The following IL1RAPL1 variants were observed in gnomAD, a reference collection of about 807,000 sequenced individuals.
IL1RAPL1 encodes the protein interleukin 1 receptor accessory protein like 1.
IL1RAPL1 carries 3 observed loss-of-function variants against 48.4 expected under a neutral mutation model. That is an observed-to-expected ratio of 0.06 (90% CI 0.03 to 0.16). The LOEUF is 0.16. Among genes scored for constraint, IL1RAPL1 ranks in the 10% least tolerant of loss-of-function variants. The probability of loss-of-function intolerance (pLI) is 1.00; values close to 1 mark genes in which losing one functional copy is unlikely to be tolerated. For missense variants in IL1RAPL1, 349 were observed against 530.6 expected, an observed-to-expected ratio of 0.66 and a Z score of 3.36; for synonymous variants, 185 against 187.7, an observed-to-expected ratio of 0.99 and a Z score of 0.12.
intron 6 of IL1RAPL1, among the ~76,000 whole-genome samples, chrX:29,702,076 G>A (rs776306249): frequency 3.6e-5 from 4 of 110,837 alleles, no homozygotes; most frequent in African/African-American, 9.8e-5. Flanking sequence ...CCAGCATGGC[G>A]AAACCCCAGT....
Position 29,067,534 on chromosome X carries a change from A to T in IL1RAPL1, c.83-215404A>T, listed in dbSNP as rs139529790. ...CAGTTAAGGGCCTAGCTAGAATTTC[A>T]AATGAATGCAAATAAGAACGTTTGT... On this transcript the variant is annotated intron_variant, in intron 2 of 10. Coordinates refer to ENST00000378993, the MANE Select transcript of IL1RAPL1 (RefSeq NM_014271.4). 8.9e-5 allele frequency among the ~76,000 whole-genome samples: 10 copies of T among 112,493 alleles called. No homozygotes were observed. The East Asian group carries it at 2.8e-3, about 32-fold the overall frequency.
intron 6 of IL1RAPL1, among the ~76,000 whole-genome samples, chrX:29,894,734 GAT>G (rs1261518536): frequency 2.7e-5 from 3 of 111,403 alleles, no homozygotes; most frequent in Non-Finnish European, 5.6e-5. Flanking sequence ...AGGATTCTTG[GAT>G]CTACAAATTA....
chrX:28,934,182 T>C (rs1296836169), intron 2 of IL1RAPL1, among the ~76,000 whole-genome samples: 3 of 110,921 alleles, frequency 2.7e-5, no homozygotes, highest in African/African-American at 9.8e-5. Context: ...ATGGAGTCAC[T>C]CTGGTTCGAA....
chrX:29,665,204 T>C (rs138109813), intron 5 of IL1RAPL1, among the ~76,000 whole-genome samples: 4 of 112,574 alleles, frequency 3.6e-5, no homozygotes, highest in Non-Finnish European at 7.5e-5. Context: ...GTTTTCAAAG[T>C]GATTTCCATT....
intron 2 of IL1RAPL1, among the ~76,000 whole-genome samples, chrX:29,140,313 A>T (rs1480440005): frequency 8.9e-6 from 1 of 111,907 alleles, no homozygotes; most frequent in East Asian, 2.8e-4. Context: ...AAATACCCAA[A>T]CTATATGAAA....
At chrX:28,646,093 C>T (rs777355298) in intron 1 of IL1RAPL1, among the ~76,000 whole-genome samples, 4 of 111,974 alleles carry the variant, frequency 3.6e-5, no homozygotes, top group East Asian at 5.6e-4. Flanking sequence ...TTTAGGCACC[C>T]GGGACAGGTT....
At chrX:29,198,203 C>A (rs1223760735) in intron 2 of IL1RAPL1, among the ~76,000 whole-genome samples, 2 of 111,670 alleles carry the variant, frequency 1.8e-5, no homozygotes, top group Non-Finnish European at 3.8e-5. Context: ...CACACAGAAT[C>A]CTGTTCTTGG....
At chrX:29,285,624 A>G (rs1487519031) in intron 3 of IL1RAPL1, among the ~76,000 whole-genome samples, 1 of 108,298 alleles carries the variant, frequency 9.2e-6, no homozygotes, top group Non-Finnish European at 1.9e-5. Context: ...GACACTTGCC[A>G]TATGTTCATA....
At chrX:29,294,380 G>A (rs1464061825) in intron 3 of IL1RAPL1, among the ~76,000 whole-genome samples, 2 of 108,823 alleles carry the variant, frequency 1.8e-5, no homozygotes, top group Non-Finnish European at 3.8e-5. Context: ...TACAAAAAAT[G>A]AGCCGGGCGT....
intron 2 of IL1RAPL1, among the ~76,000 whole-genome samples, chrX:28,917,151 A>T (rs1316060811): frequency 8.9e-6 from 1 of 111,772 alleles, no homozygotes; most frequent in Non-Finnish European, 1.9e-5. Context: ...CTGGGACTTC[A>T]TTGCCTGAGG....
intron 3 of IL1RAPL1, among the ~76,000 whole-genome samples, chrX:29,393,262 C>G (rs992405492): frequency 2.7e-4 from 30 of 111,731 alleles, no homozygotes; most frequent in African/African-American, 9.4e-4. Context: ...GCTGGGACTA[C>G]AGGCGCCCGC....
intron 1 of IL1RAPL1, among the ~76,000 whole-genome samples, chrX:28,650,105 T>C (rs1934666224): frequency 8.9e-6 from 1 of 112,231 alleles, no homozygotes; most frequent in Admixed American, 9.5e-5. Flanking sequence ...ATTCATATTC[T>C]GGAGCTTGTC....
intron 2 of IL1RAPL1, among the ~76,000 whole-genome samples, chrX:29,142,886 A>C (rs776358156): frequency 9.1e-6 from 1 of 110,015 alleles, no homozygotes; most frequent in South Asian, 3.9e-4. Flanking sequence ...TTTTTAGTAG[A>C]GACAGGGTTT....
chrX:29,239,896 G>A (rs894489970), intron 2 of IL1RAPL1, among the ~76,000 whole-genome samples: 4 of 109,558 alleles, frequency 3.7e-5, no homozygotes, highest in Non-Finnish European at 5.7e-5. Flanking sequence ...AATCTTTAAA[G>A]TCAGTAACAT....
chrX:29,741,922 CAAAAAAAAAAAA>C (rs1928212217), intron 6 of IL1RAPL1, among the ~76,000 whole-genome samples: 2 of 25,735 alleles, frequency 7.8e-5, no homozygotes, highest in Non-Finnish European at 1.4e-4. Context: ...GAGACTCCGT[CAAAAAAAAAAAA>C]GAAAAAAAAA....
intron 5 of IL1RAPL1, among the ~76,000 whole-genome samples, chrX:29,482,838 A>G (rs1363265483): frequency 8.9e-6 from 1 of 112,175 alleles, no homozygotes; most frequent in Admixed American, 9.4e-5. Flanking sequence ...TCCTTGTAAT[A>G]TATTTTAAAT....
At chrX:29,218,933 T>C (rs1350411179) in intron 2 of IL1RAPL1, among the ~76,000 whole-genome samples, 1 of 112,443 alleles carries the variant, frequency 8.9e-6, no homozygotes, top group Non-Finnish European at 1.9e-5. Context: ...GCATGTCAAC[T>C]CACATACTTG....
chrX:28,734,752 G>A (rs1210298741), intron 1 of IL1RAPL1, among the ~76,000 whole-genome samples: 1 of 111,289 alleles, frequency 9.0e-6, no homozygotes, highest in Non-Finnish European at 1.9e-5. Context: ...TATGGGCAGG[G>A]AACATTTTTC....
In IL1RAPL1 at chrX:29,653,555, G is replaced by A. The variant is rs1033163818; in HGVS notation, c.704-14875G>A. 5.4e-5 allele frequency among the ~76,000 whole-genome samples: 6 copies of A among 111,167 alleles called. No homozygotes were observed. In the Admixed American group the frequency reaches 5.8e-4, roughly 11 times the overall value. On this transcript the variant is annotated intron_variant, in intron 5 of 10. Coordinates refer to ENST00000378993, the MANE Select transcript of IL1RAPL1 (RefSeq NM_014271.4). ...TTTGGATAGCAAGTATTATTTAAAG[G>A]GTGCCTGATATTATTGCTTATAGGC... is the stretch of plus-strand genomic sequence containing the variant.
Sources: allele counts gnomAD v4.1 joint callset (sites outside exome capture counted in the v4.1 genomes callset), GRCh38; gene constraint gnomAD v4.1.1; transcripts MANE v1.5; gene names NCBI Gene and HGNC (gene_info 2026-07-23, HGNC 2026-07-21).